Variants in SPATA13 observed in about 807,000 individuals in gnomAD.
SPATA13 encodes spermatogenesis-associated protein 13.
Under a neutral mutation model 104.0 loss-of-function variants are expected in SPATA13, and 50 were observed. The ratio of observed to expected loss-of-function variants is 0.48; its 90% CI spans 0.38 to 0.61. SPATA13 has a LOEUF of 0.61. Ranked by LOEUF, SPATA13 falls within the 20% of genes least tolerant of loss-of-function variation. SPATA13 has a pLI of 0.00. For missense variants in SPATA13, 1,524 were observed against 1,690.6 expected (o/e 0.90, Z 1.73); for synonymous variants, 606 against 667.5 (o/e 0.91, Z 1.42).
At chr13:24,263,178 G>A (rs1874140652) in intron 4 of SPATA13, among the ~76,000 whole-genome samples, 2 of 152,112 alleles carry the variant, frequency 1.3e-5, no homozygotes, top group African/African-American at 4.8e-5. Flanking sequence ...CTTGTTTTTT[G>A]AATTATCTCT....
In SPATA13 at chr13:24,302,459, C is replaced by CAAAA. The variant is rs71070678; in HGVS notation, c.3659-112_3659-109dup. 1.9e-3 allele frequency: 373 copies of CAAAA among 194,022 alleles called. 13 individuals are homozygous for CAAAA. Among genetic ancestry groups the CAAAA allele is most frequent in the Non-Finnish European group, 2.7e-3 (295 of 109,098 alleles). 12.0% of individuals were successfully genotyped at this position (194,022 alleles called of 1,614,324 possible). On this transcript the variant is annotated intron_variant, in intron 12 of 12. Transcript: ENST00000382108. Reference sequence around the variant, plus strand: ...CCTGGGTGACAGTAAGACCCTGTCTCAAAAAAAAAAAAAAAAAAAAAAAAA... The same window carrying CAAAA: ...CCTGGGTGACAGTAAGACCCTGTCTCAAAAAAAAAAAAAAAAAAAAAAAAAAAAA...
intron 3 of SPATA13, among the ~76,000 whole-genome samples, chr13:24,146,252 A>T (rs989673891): frequency 3.9e-5 from 6 of 152,242 alleles, no homozygotes; most frequent in Admixed American, 1.3e-4. Context: ...AGCTTCAGGG[A>T]CTGAAGCCAA....
At chr13:24,247,668 GA>G (rs1488240241) in intron 2 of SPATA13, among the ~76,000 whole-genome samples, 1 of 151,850 alleles carries the variant, frequency 6.6e-6, no homozygotes, top group African/African-American at 2.4e-5. Context: ...TATTTTAGTA[GA>G]GACAGGGTTT....
chr13:24,268,525 G>A (rs1233532584), intron 4 of SPATA13, among the ~76,000 whole-genome samples: 5 of 151,954 alleles, frequency 3.3e-5, no homozygotes, highest in African/African-American at 9.7e-5. Context: ...TTGGGAGGCC[G>A]AGGTGGGCAG....
At chr13:24,298,303 C>G (rs1313543613) in intron 11 of SPATA13, among the ~76,000 whole-genome samples, 1 of 152,182 alleles carries the variant, frequency 6.6e-6, no homozygotes, top group Non-Finnish European at 1.5e-5. Context: ...TGATCCACAC[C>G]CAGCAGCCTG....
chr13:24,044,921 G>C (rs1400405188), intron 3 of SPATA13, among the ~76,000 whole-genome samples: 1 of 147,134 alleles, frequency 6.8e-6, no homozygotes, highest in East Asian at 2.0e-4. Context: ...AGTGAAGAGA[G>C]GTTGGTCAGT....
intron 10 of SPATA13, among the ~76,000 whole-genome samples, chr13:24,297,099 C>T (rs1363139428): frequency 1.3e-5 from 2 of 152,020 alleles, no homozygotes; most frequent in South Asian, 2.1e-4. Context: ...AGTGTACTGG[C>T]GTGATCACCA....
intron 3 of SPATA13, among the ~76,000 whole-genome samples, chr13:24,085,370 G>A (rs568430458): frequency 1.3e-5 from 2 of 152,048 alleles, no homozygotes; most frequent in Admixed American, 6.6e-5. Context: ...CAGGTGATCC[G>A]CCCACCTCAG....
At chr13:24,163,330 A>T (rs1882588770) in intron 1 of SPATA13, among the ~76,000 whole-genome samples, 1 of 152,164 alleles carries the variant, frequency 6.6e-6, no homozygotes, top group Non-Finnish European at 1.5e-5. Flanking sequence ...TGAGCCTGGG[A>T]GGTTGAGACT....
intron 1 of SPATA13, among the ~76,000 whole-genome samples, chr13:23,981,078 G>A (rs1268446384): frequency 6.6e-6 from 1 of 152,078 alleles, no homozygotes; most frequent in African/African-American, 2.4e-5. Flanking sequence ...ATATAAAGCC[G>A]GTAGCAGTAC....
intron 1 of SPATA13, among the ~76,000 whole-genome samples, chr13:24,176,999 A>C (rs1024266193): frequency 1.3e-5 from 2 of 152,176 alleles, no homozygotes; most frequent in African/African-American, 4.8e-5. Flanking sequence ...TCCTGACCTC[A>C]GGTAATCCAC....
chr13:24,103,345 G>A (rs1196967110), intron 3 of SPATA13, among the ~76,000 whole-genome samples: 1 of 151,862 alleles, frequency 6.6e-6, no homozygotes, highest in East Asian at 1.9e-4. Flanking sequence ...TATAGGCTGG[G>A]TGCGGTGGCT....
chr13:24,046,583 T>C (rs1878156085), intron 3 of SPATA13, among the ~76,000 whole-genome samples: 1 of 141,112 alleles, frequency 7.1e-6, no homozygotes, highest in Admixed American at 7.1e-5. Flanking sequence ...ACTCAATATG[T>C]TTGCAAGATT....
Position 24,285,492 on chromosome 13 carries a change from G to GGCCT in SPATA13, c.2302-705_2302-702dup, listed in dbSNP as rs561825826. Among the ~76,000 whole-genome samples, 1,389 of 151,178 alleles carry GGCCT rather than the reference G, an allele frequency of 9.2e-3. 25 individuals carry two copies. Among genetic ancestry groups the GGCCT allele is most frequent in the African/African-American group, 0.033 (1,330 of 40,852 alleles). ...AGCAGCTAGTACTTTTTTAAAAAGG[G>GGCCT]GCCTGCCTGCCTGCCTGCCTTCCTC... On this transcript the variant is annotated intron_variant, in intron 5 of 12. Transcript: ENST00000382108.
intron 3 of SPATA13, 164 bp from the exon 4 acceptor site, chr13:24,251,554 T>C (rs1873480919): frequency 6.8e-7 from 1 of 1,477,048 alleles, no homozygotes; most frequent in South Asian, 1.4e-5. Flanking sequence ...TGTAGCATCA[T>C]GAGTTGCCAC....
intron 9 of SPATA13, among the ~76,000 whole-genome samples, chr13:24,291,840 T>A (rs1438893672): frequency 6.7e-6 from 1 of 149,880 alleles, no homozygotes; most frequent in Non-Finnish European, 1.5e-5. Context: ...CACTGCAAGC[T>A]CCGCTTCCCG....
At chr13:24,248,317 T>C (rs533919747) in intron 2 of SPATA13, among the ~76,000 whole-genome samples, 2 of 152,246 alleles carry the variant, frequency 1.3e-5, no homozygotes, top group African/African-American at 4.8e-5. Context: ...ACCTGCTGTT[T>C]CCCAGGGAAT....
chr13:24,063,652 G>T (rs1878851947), intron 3 of SPATA13, among the ~76,000 whole-genome samples: 1 of 152,132 alleles, frequency 6.6e-6, no homozygotes, highest in African/African-American at 2.4e-5. Context: ...TCAAGTGGGG[G>T]CGGCTCCTTC....
At chr13:24,210,963 G>C (rs1020061326) in intron 1 of SPATA13, among the ~76,000 whole-genome samples, 1 of 151,936 alleles carries the variant, frequency 6.6e-6, no homozygotes, top group Non-Finnish European at 1.5e-5. Context: ...TCACCTCCTT[G>C]ATTAAAGTTA....
Sources: allele counts gnomAD v4.1 joint callset (sites outside exome capture counted in the v4.1 genomes callset), GRCh38; gene constraint gnomAD v4.1.1; transcripts MANE v1.5; gene names NCBI Gene and HGNC (gene_info 2026-07-23, HGNC 2026-07-21).